SPEF2: variants seen among roughly 807,000 people sequenced by gnomAD.
The protein encoded by SPEF2 is sperm flagella and cilia-associated protein 2.
Under a neutral mutation model 224.6 loss-of-function variants are expected in SPEF2, and 187 were observed. The observed-to-expected ratio is 0.83, with a 90% CI of 0.74 to 0.94. The LOEUF is 0.94. SPEF2 is among the 40% of genes least tolerant of loss of function. SPEF2 has a pLI of 0.00. For synonymous variants in SPEF2, 715 were observed against 707.3 expected, an observed-to-expected ratio of 1.01 and a Z score of -0.17; for missense variants, 2,170 against 2,135.6, an observed-to-expected ratio of 1.02 and a Z score of -0.32.
intron 10 of SPEF2, among the ~76,000 whole-genome samples, chr5:35,683,697 C>T (rs927189742): frequency 6.6e-6 from 1 of 152,170 alleles, no homozygotes; most frequent in Non-Finnish European, 1.5e-5. Flanking sequence ...GAGTCTATTT[C>T]CTCTCTGTTG....
At chr5:35,783,274 T>C (rs1037951544) in intron 30 of SPEF2, among the ~76,000 whole-genome samples, 4 of 152,216 alleles carry the variant, frequency 2.6e-5, no homozygotes, top group African/African-American at 9.7e-5. Context: ...AGTCAAACAG[T>C]TCTTTCTCAA....
At chr5:35,730,547 G>A (rs1745477055) in intron 21 of SPEF2, among the ~76,000 whole-genome samples, 1 of 152,256 alleles carries the variant, frequency 6.6e-6, no homozygotes, top group Admixed American at 6.5e-5. Flanking sequence ...GTATAACTCA[G>A]ATTAAAGCAT....
chr5:35,799,897 C>T, intron 33 of SPEF2, 71 bp from the exon 34 acceptor site: 1 of 1,542,756 alleles, frequency 6.5e-7, no homozygotes, highest in Non-Finnish European at 8.8e-7. Context: ...TGGGGAGATT[C>T]TTCATTGCAT....
At chr5:35,627,269 A>G (rs988913586) in intron 1 of SPEF2, among the ~76,000 whole-genome samples, 57 of 152,168 alleles carry the variant, frequency 3.7e-4, no homozygotes, top group African/African-American at 1.3e-3. Context: ...AAAACTAAGA[A>G]CATTTTTTAA....
intron 27 of SPEF2, among the ~76,000 whole-genome samples, chr5:35,772,654 A>G (rs1753025106): frequency 6.6e-6 from 1 of 152,140 alleles, no homozygotes; most frequent in Non-Finnish European, 1.5e-5. Context: ...ACTTGAAGGA[A>G]AGGGAAGAGT....
In SPEF2 at chr5:35,694,277, T is replaced by C; in HGVS notation, c.1900-11T>C. 6.2e-7 allele frequency: 1 copy of C among 1,612,040 alleles called. No individual in the cohort carries two copies. Among genetic ancestry groups the C allele is most frequent in the Non-Finnish European group, 8.5e-7 (1 of 1,178,686 alleles). ...GTAAAATCCCTCCCTATGTGTGTTT[T>C]CTCTCCAAAGGATCCACAACATGTA... On this transcript the variant is annotated splice_polypyrimidine_tract_variant and intron_variant, in intron 12 of 36. Coordinates refer to ENST00000356031, the MANE Select transcript of SPEF2 (RefSeq NM_024867.4).
rs368670264 is a variant in SPEF2 at position 35,644,340 on chromosome 5, G to C, written c.415-15G>C. ...ATTCTCTAATAAAATCTTTTGAAAT[G>C]CTTTTTTCATTTAGAGACTTAGACA... On this transcript the variant is annotated splice_polypyrimidine_tract_variant and intron_variant, in intron 3 of 36. Transcript: ENST00000356031. 40 of 1,487,320 alleles carry C rather than the reference G, an allele frequency of 2.7e-5. No individual in the cohort carries two copies. The African/African-American group carries it at 5.1e-4, about 19-fold the overall frequency. The allele number at this position is 1,487,320 out of a possible 1,614,324, so 92.1% of individuals were successfully genotyped here. A position where few individuals can be genotyped will look rare whatever the true frequency, so the allele number is the denominator to read the frequency against.
chr5:35,738,394 G>A (rs1280220340), intron 21 of SPEF2, among the ~76,000 whole-genome samples: 3 of 151,448 alleles, frequency 2.0e-5, no homozygotes, highest in African/African-American at 7.3e-5. Context: ...TTTTGTATAA[G>A]GTGTAAGGAA....
chr5:35,680,771 A>G (rs73082265), intron 10 of SPEF2, among the ~76,000 whole-genome samples: 5,143 of 152,286 alleles, frequency 0.034, 312 homozygotes, highest in African/African-American at 0.12. Flanking sequence ...ACCTAACCCT[A>G]TGAGCTGTGA....
intron 30 of SPEF2, chr5:35,789,084 T>C: frequency 1.5e-6 from 1 of 686,046 alleles, no homozygotes; most frequent in Non-Finnish European, 2.7e-6. Flanking sequence ...TCACAGAAAA[T>C]ACTTTCCTTG....
intron 24 of SPEF2, among the ~76,000 whole-genome samples, chr5:35,757,102 T>C (rs1750568550): frequency 9.9e-6 from 1 of 101,522 alleles, no homozygotes; most frequent in South Asian, 3.9e-4. Context: ...TTACTAGTTA[T>C]CATAACAATT....
At chr5:35,684,041 AC>A (rs1753215698) in intron 10 of SPEF2, 1 of 152,172 alleles carries the variant, frequency 6.6e-6, no homozygotes, top group African/African-American at 2.4e-5. Flanking sequence ...TATTTACAAT[AC>A]CTGAAAGAGT....
chr5:35,788,233 C>T (rs564618335), intron 30 of SPEF2: 53 of 702,772 alleles, frequency 7.5e-5, no homozygotes, highest in Non-Finnish European at 1.1e-4. Context: ...AAGTAACCCT[C>T]GGGAGAGTAG....
chr5:35,709,628 C>T lies in SPEF2; in HGVS notation c.2839+507C>T. 5 of 976,858 alleles carry T rather than the reference C, an allele frequency of 5.1e-6. 1 individual carries two copies. In the South Asian group the frequency reaches 2.4e-4, roughly 47 times the overall value. 60.5% of individuals were successfully genotyped at this position (976,858 alleles called of 1,614,324 possible). A position where few individuals can be genotyped will look rare whatever the true frequency, so the allele number is the denominator to read the frequency against. On this transcript the variant is annotated intron_variant, in intron 19 of 36. Coordinates refer to ENST00000356031, the MANE Select transcript of SPEF2 (RefSeq NM_024867.4). ...TAAAAGTATAGAAACAAGCTCCTGC[C>T]ATCTCAGTAAACATATATTTATGGA...
At position 35,649,388 on chromosome 5, in the gene SPEF2, G is replaced by A. The variant is rs528551876; in HGVS notation, c.754G>A (p.Glu252Lys). 1.9e-5 allele frequency: 30 copies of A among 1,611,974 alleles called. No individual in the cohort carries two copies. The East Asian group carries it at 4.9e-4, about 26-fold the overall frequency. The change falls in exon 6 of 37, where the codon GAA (glutamate) becomes AAA (lysine). Residue 252 changes from glutamate (E) to lysine (K), a missense_variant. Coordinates refer to ENST00000356031, the MANE Select transcript of SPEF2 (RefSeq NM_024867.4). ...TGTGGCTGATGAAATTAAGAAGTTCGAAGCATTAATAAAAAAGGATCTCCA... is the reference window on the plus strand; with the variant it reads ...TGTGGCTGATGAAATTAAGAAGTTCAAAGCATTAATAAAAAAGGATCTCCA... Reference protein sequence around the residue: ...EDVADEIKKFEALIKKDLQAK... With the variant: ...EDVADEIKKFKALIKKDLQAK...
At chr5:35,646,861 C>A in intron 5 of SPEF2, 54 bp downstream of exon 5, 1 of 1,584,034 alleles carries the variant, frequency 6.3e-7, no homozygotes, top group South Asian at 1.1e-5. Flanking sequence ...AAAGAATAGT[C>A]TGTCTCTGGA....
chr5:35,748,220 CA>C (rs1436054233), intron 23 of SPEF2, among the ~76,000 whole-genome samples: 1 of 151,936 alleles, frequency 6.6e-6, no homozygotes, highest in Non-Finnish European at 1.5e-5. Flanking sequence ...ATGCCTACAT[CA>C]AAAAGATCAA....
intron 36 of SPEF2, among the ~76,000 whole-genome samples, chr5:35,809,153 A>C (rs1389234654): frequency 1.3e-5 from 2 of 152,102 alleles, no homozygotes; most frequent in African/African-American, 4.8e-5. Flanking sequence ...ATGGTATCTG[A>C]CACAGGGGAA....
Position 35,740,135 on chromosome 5 carries a change from T to C in SPEF2, c.3198T>C (p.Ser1066=). ...ATTCTATTAATGTCTACAGAACAAG[T>C]TTCCAGGAGTTTCTAAAGCGTCCGG... is the stretch of plus-strand genomic sequence containing the variant. ...VLAYLYEIRT[S]FQEFLKRPDH... The change falls in exon 23 of 37, where the codon AGT becomes AGC. Residue 1066 remains serine (S), a synonymous_variant. Transcript: ENST00000356031. 1 of 1,614,126 alleles carries C rather than the reference T, an allele frequency of 6.2e-7. No individual in the cohort carries two copies. The highest frequency in any genetic ancestry group is 2.2e-5 in the East Asian group (1 of 44,858).
Sources: allele counts gnomAD v4.1 joint callset (sites outside exome capture counted in the v4.1 genomes callset), GRCh38; gene constraint gnomAD v4.1.1; transcripts MANE v1.5; gene names NCBI Gene and HGNC (gene_info 2026-07-23, HGNC 2026-07-21).